RRAGD: variants seen among roughly 807,000 people sequenced by gnomAD.
RRAGD encodes ras-related GTP-binding protein D.
In RRAGD, 12 loss-of-function variants were observed where a neutral mutation model predicts 35.5. That is an observed-to-expected ratio of 0.34 (90% confidence interval 0.22 to 0.55). The LOEUF is 0.55. Among genes scored for constraint, RRAGD ranks in the 20% least tolerant of loss-of-function variants. The pLI is 0.91. For missense variants in RRAGD, 324 were observed against 490.1 expected (o/e 0.66, Z 3.20); for synonymous variants, 155 against 178.9 (o/e 0.87, Z 1.07).
intron 1 of RRAGD, among the ~76,000 whole-genome samples, chr6:89,405,375 AGAG>A (rs1769558999): frequency 6.7e-6 from 1 of 149,364 alleles, no homozygotes. Flanking sequence ...AAAAAAAAAA[AGAG>A]ATAACATAGT....
intron 1 of RRAGD, among the ~76,000 whole-genome samples, chr6:89,389,240 G>A (rs1189895177): frequency 6.6e-6 from 1 of 152,076 alleles, no homozygotes; most frequent in East Asian, 1.9e-4. Context: ...GTCCTAGAGG[G>A]ATTAGGCATT....
In RRAGD at chr6:89,380,231, C is replaced by T. The variant is rs1281361134; in HGVS notation, c.581G>A (p.Arg194Lys). 1.2e-6 allele frequency: 2 copies of T among 1,614,218 alleles called. No homozygotes were observed. The highest frequency in any genetic ancestry group is 1.7e-6 in the Non-Finnish European group (2 of 1,180,042). The change falls in exon 3 of 7, where the codon AGA becomes AAA. Residue 194 changes from arginine to lysine, a missense_variant. This residue lies in a region of RRAGD where 152 missense variants were observed against 296.9 expected (regional missense o/e 0.51). Transcript: ENST00000369415. ...LSDDHKIETQRDIHQRANDDL... is the reference protein window; with the variant it reads ...LSDDHKIETQKDIHQRANDDL... ...ATCGTTTGCCCTCTGGTGAATATCT[C>T]TTTGGGTTTCAATTTTGTGGTCATC...
chr6:89,377,674 T>C lies in RRAGD; in HGVS notation c.899A>G (p.Tyr300Cys). 5 of 1,583,266 alleles carry C rather than the reference T, an allele frequency of 3.2e-6. No homozygotes were observed. Among genetic ancestry groups the C allele is most frequent in the Non-Finnish European group, 4.3e-6 (5 of 1,168,882 alleles). Reference sequence around the variant, plus strand: ...CCTTTAAGAATGTTGTACTTACCCATAAATACAAGAGATGTCAATAACCAC... The same window carrying C: ...CCTTTAAGAATGTTGTACTTACCCACAAATACAAGAGATGTCAATAACCAC... ...IDVVIDISCI[Y>C]GLKEDGAGTP... The change falls in exon 5 of 7, where the codon TAT (tyrosine) becomes TGT (cysteine). Residue 300 changes from tyrosine (Y) to cysteine (C), a missense_variant. By Grantham distance (194) the Tyr-to-Cys change is radical (BLOSUM62 -2). Transcript: ENST00000369415.
chr6:89,401,263 T>G (rs1562464615), intron 1 of RRAGD, among the ~76,000 whole-genome samples: 1 of 95,910 alleles, frequency 1.0e-5, no homozygotes, highest in East Asian at 1.2e-3. Flanking sequence ...CCACAATATA[T>G]TTTTTTTTTT....
At chr6:89,403,530 G>A (rs1769518267) in intron 1 of RRAGD, among the ~76,000 whole-genome samples, 1 of 151,708 alleles carries the variant, frequency 6.6e-6, no homozygotes, top group Non-Finnish European at 1.5e-5. Context: ...CTTTATGTCT[G>A]TGGAATACTA....
At chr6:89,405,068 T>TG in intron 1 of RRAGD, among the ~76,000 whole-genome samples, 1 of 152,186 alleles carries the variant, frequency 6.6e-6, no homozygotes, top group East Asian at 1.9e-4. Context: ...GATAACATAG[T>TG]GGCCAGGCAC....
chr6:89,396,313 A>ACAC (rs1458917980), intron 1 of RRAGD, among the ~76,000 whole-genome samples: 2 of 152,250 alleles, frequency 1.3e-5, no homozygotes, highest in South Asian at 2.1e-4. Flanking sequence ...TAAAGACAAG[A>ACAC]CACAGACTAG....
At chr6:89,401,637 C>T (rs1432510209) in intron 1 of RRAGD, among the ~76,000 whole-genome samples, 1 of 151,724 alleles carries the variant, frequency 6.6e-6, no homozygotes, top group Non-Finnish European at 1.5e-5. Flanking sequence ...CTTGTTCCCT[C>T]TCCTCCAGCA....
At chr6:89,376,159 A>T (rs183490578) in intron 5 of RRAGD, among the ~76,000 whole-genome samples, 184 of 152,324 alleles carry the variant, frequency 1.2e-3, no homozygotes, top group African/African-American at 4.3e-3. Context: ...CTAAAGCCAG[A>T]TGTCAGCGTT....
At chr6:89,376,313 G>GCA (rs1184855742) in intron 5 of RRAGD, among the ~76,000 whole-genome samples, 2 of 141,364 alleles carry the variant, frequency 1.4e-5, no homozygotes, top group East Asian at 4.2e-4. Context: ...GTGTGTGTGT[G>GCA]TGTGTGTGTG....
At chr6:89,371,865 C>T (rs1330304088) in intron 6 of RRAGD, among the ~76,000 whole-genome samples, 1 of 152,044 alleles carries the variant, frequency 6.6e-6, no homozygotes. Context: ...TGAATTTGAT[C>T]CTAAAAAAAA....
chr6:89,408,676 T>A (rs1769636241), intron 1 of RRAGD, among the ~76,000 whole-genome samples: 1 of 152,182 alleles, frequency 6.6e-6, no homozygotes, highest in Admixed American at 6.5e-5. Context: ...CGAACTTCAC[T>A]GGACTGTGGG....
At chr6:89,388,167 T>A (rs184578064) in intron 1 of RRAGD, among the ~76,000 whole-genome samples, 36 of 152,292 alleles carry the variant, frequency 2.4e-4, no homozygotes, top group Non-Finnish European at 4.0e-4. Flanking sequence ...AAGGCAGACA[T>A]CTCTCAGGCC....
chr6:89,378,756 G>A (rs1345075049), intron 4 of RRAGD, among the ~76,000 whole-genome samples: 1 of 152,158 alleles, frequency 6.6e-6, no homozygotes, highest in African/African-American at 2.4e-5. Flanking sequence ...ATGCATCTGA[G>A]TAGTTATATT....
Position 89,376,300 on chromosome 6 carries a change from G to GGTGT in RRAGD, c.902+1367_902+1370dup, listed in dbSNP as rs34484330. ...TAAGTATCACTTTCCATGTGTGTGT[G>GGTGT]GTGTGTGTGTGTGTGTGTGTGTGTG... On this transcript the variant is annotated intron_variant, in intron 5 of 6. Transcript: ENST00000369415. 3.7e-3 allele frequency among the ~76,000 whole-genome samples: 526 copies of GGTGT among 141,846 alleles called. 1 individual carries two copies. Among genetic ancestry groups the GGTGT allele is most frequent in the Admixed American group, 6.5e-3 (89 of 13,648 alleles). 93.1% of individuals were successfully genotyped at this position (141,846 alleles called of 152,430 possible). A position where few individuals can be genotyped will look rare whatever the true frequency, so the allele number is the denominator to read the frequency against.
In RRAGD at chr6:89,367,789, AT is replaced by A. The variant is rs1430163120; in HGVS notation, c.*266del. 4 of 331,280 alleles carry A rather than the reference AT, an allele frequency of 1.2e-5. No individual in the cohort carries two copies. Among genetic ancestry groups the A allele is most frequent in the East Asian group, 4.9e-5 (1 of 20,568 alleles). The allele number at this position is 331,280 out of a possible 1,614,324, so 20.5% of individuals were successfully genotyped here. On this transcript the variant is annotated 3_prime_UTR_variant, in exon 7 of 7. Transcript: ENST00000369415. ...CAATTCCTGGCAGTTCTCACACGGG[AT>A]TTTTTTGACTACAGACCATAAAAGT...
chr6:89,389,062 T>C (rs1769185398), intron 1 of RRAGD, among the ~76,000 whole-genome samples: 1 of 152,152 alleles, frequency 6.6e-6, no homozygotes, highest in African/African-American at 2.4e-5. Context: ...CTGCTCACCT[T>C]CTGCCATGCA....
chr6:89,375,150 A>C (rs1768916103), intron 5 of RRAGD, among the ~76,000 whole-genome samples: 1 of 152,236 alleles, frequency 6.6e-6, no homozygotes, highest in Non-Finnish European at 1.5e-5. Flanking sequence ...TATCCTAAAA[A>C]TTACACATGG....
intron 1 of RRAGD, among the ~76,000 whole-genome samples, chr6:89,402,771 C>A (rs1769497534): frequency 6.6e-6 from 1 of 152,222 alleles, no homozygotes; most frequent in South Asian, 2.1e-4. Context: ...GGCTGCTGAG[C>A]TAGCCCATGC....
Sources: gnomAD v4.1 joint callset for allele counts (sites outside exome capture counted in the v4.1 genomes callset) on GRCh38, gnomAD v4.1.1 for gene constraint, gnomAD v4.1.1 regional missense constraint, MANE v1.5 for transcripts, NCBI Gene and HGNC (gene_info 2026-07-23, HGNC 2026-07-21) for gene names.